MACROD2: variants seen among roughly 807,000 people sequenced by gnomAD.
MACROD2 encodes ADP-ribose glycohydrolase MACROD2.
In MACROD2, 36 loss-of-function variants were observed where a neutral mutation model predicts 70.4. That is an observed-to-expected ratio of 0.51 (90% CI 0.39 to 0.68). The LOEUF is 0.68. Ranked by LOEUF, MACROD2 falls within the 30% of genes least tolerant of loss-of-function variation. The pLI, the probability that MACROD2 is intolerant of heterozygous loss-of-function variation, is 0.00. For missense variants in MACROD2, 496 were observed against 538.4 expected (o/e 0.92, Z 0.78); for synonymous variants, 172 against 178.8 (o/e 0.96, Z 0.30).
At position 14,960,053 on chromosome 20, in the gene MACROD2, A is replaced by G. The variant is rs372896313; in HGVS notation, c.419-269887A>G. 3.5e-4 allele frequency among the ~76,000 whole-genome samples: 54 copies of G among 152,284 alleles called. 2 individuals carry two copies. The highest frequency in any genetic ancestry group is 1.3e-3 in the African/African-American group (54 of 41,566). ...TCCTGTACAAATTCTCTTCCCAAAGAGACTAACAGCAAGAGAATCCCAGAA... is the reference window on the plus strand; with the variant it reads ...TCCTGTACAAATTCTCTTCCCAAAGGGACTAACAGCAAGAGAATCCCAGAA... On this transcript the variant is annotated intron_variant, in intron 5 of 17. Transcript: ENST00000684519.
intron 3 of MACROD2, among the ~76,000 whole-genome samples, chr20:14,129,968 C>A (rs2054697178): frequency 6.6e-6 from 1 of 152,002 alleles, no homozygotes; most frequent in Non-Finnish European, 1.5e-5. Flanking sequence ...CGCTTTATTG[C>A]AATATTTGTT....
At chr20:14,446,721 G>T (rs1422321681) in intron 3 of MACROD2, among the ~76,000 whole-genome samples, 1 of 152,074 alleles carries the variant, frequency 6.6e-6, no homozygotes, top group Non-Finnish European at 1.5e-5. Flanking sequence ...GTATTTCATT[G>T]TGGGCACTTT....
intron 2 of MACROD2, among the ~76,000 whole-genome samples, chr20:14,067,678 A>G (rs1029230409): frequency 2.6e-5 from 4 of 152,214 alleles, no homozygotes; most frequent in African/African-American, 9.6e-5. Flanking sequence ...GATAAAATGC[A>G]CATTTTTAAT....
intron 8 of MACROD2, among the ~76,000 whole-genome samples, chr20:15,736,777 G>C (rs1000860326): frequency 6.6e-6 from 1 of 152,294 alleles, no homozygotes; most frequent in African/African-American, 2.4e-5. Flanking sequence ...CTGACTTTAA[G>C]TAGCCATTGG....
intron 10 of MACROD2, among the ~76,000 whole-genome samples, chr20:15,914,660 C>T (rs1307398331): frequency 6.6e-6 from 1 of 152,156 alleles, no homozygotes; most frequent in African/African-American, 2.4e-5. Flanking sequence ...CTAAGCAATT[C>T]TCTAGTTCTC....
intron 15 of MACROD2, among the ~76,000 whole-genome samples, chr20:16,018,614 C>T (rs1354139950): frequency 6.6e-6 from 1 of 152,214 alleles, no homozygotes; most frequent in Non-Finnish European, 1.5e-5. Flanking sequence ...CCTCTTCTGT[C>T]TTGGCATCAT....
At chr20:14,974,298 G>A (rs1050847113) in intron 5 of MACROD2, among the ~76,000 whole-genome samples, 2 of 152,150 alleles carry the variant, frequency 1.3e-5, no homozygotes, top group South Asian at 2.1e-4. Context: ...GGAGGGCACC[G>A]ATGTTCAAAC....
At chr20:14,244,356 A>C (rs1368518780) in intron 3 of MACROD2, among the ~76,000 whole-genome samples, 1 of 152,148 alleles carries the variant, frequency 6.6e-6, no homozygotes, top group South Asian at 2.1e-4. Flanking sequence ...GTGAACTTCA[A>C]AATTATCCAG....
At position 15,884,473 on chromosome 20, in the gene MACROD2, T is replaced by C. The variant is rs139836621; in HGVS notation, c.728-1291T>C. 8.2e-3 allele frequency among the ~76,000 whole-genome samples: 1,251 copies of C among 152,152 alleles called. 11 individuals are homozygous for C. The highest frequency in any genetic ancestry group is 0.013 in the Non-Finnish European group (907 of 67,964). On this transcript the variant is annotated intron_variant, in intron 9 of 17. Transcript: ENST00000684519. ...CAGGTATCATTGGCCTTGAGTGTTA[T>C]CGGGAAGAGTCTAGACTTTTCTCAT...
chr20:14,295,794 A>G (rs1435603275), intron 3 of MACROD2, among the ~76,000 whole-genome samples: 2 of 151,892 alleles, frequency 1.3e-5, no homozygotes, highest in Non-Finnish European at 2.9e-5. Flanking sequence ...GACTGAGTCT[A>G]GCACTAAGTT....
intron 7 of MACROD2, among the ~76,000 whole-genome samples, chr20:15,477,416 T>C (rs977827340): frequency 6.6e-6 from 1 of 152,178 alleles, no homozygotes; most frequent in Non-Finnish European, 1.5e-5. Context: ...TTAAATCAGA[T>C]TTTTAATGAG....
intron 5 of MACROD2, among the ~76,000 whole-genome samples, chr20:14,697,221 GTCCTACCTATTGTTTTA>G (rs1278971288): frequency 1.3e-5 from 2 of 152,112 alleles, no homozygotes; most frequent in Admixed American, 1.3e-4. Flanking sequence ...TCCGGGATAT[GTCCTACCTATTGTTTTA>G]AAATTAACAA....
At chr20:14,918,466 A>G (rs893914317) in intron 5 of MACROD2, among the ~76,000 whole-genome samples, 4 of 152,162 alleles carry the variant, frequency 2.6e-5, no homozygotes, top group Non-Finnish European at 5.9e-5. Flanking sequence ...TTCCTCTCAC[A>G]TTGGATAGGA....
intron 3 of MACROD2, among the ~76,000 whole-genome samples, chr20:14,367,594 T>C (rs2083283733): frequency 2.0e-5 from 3 of 152,348 alleles, no homozygotes; most frequent in Non-Finnish European, 2.9e-5. Flanking sequence ...AAAAATGTTA[T>C]TTAACTTCTT....
intron 3 of MACROD2, among the ~76,000 whole-genome samples, chr20:14,207,117 T>G (rs967146930): frequency 4.6e-5 from 7 of 152,154 alleles, no homozygotes; most frequent in Admixed American, 4.6e-4. Flanking sequence ...GACACTTTTT[T>G]TTTTTTGAGA....
intron 2 of MACROD2, among the ~76,000 whole-genome samples, chr20:14,047,910 T>C (rs957993988): frequency 4.6e-5 from 7 of 151,974 alleles, no homozygotes; most frequent in Admixed American, 1.3e-4. Flanking sequence ...AAATCAAATA[T>C]TTATAAAACT....
intron 5 of MACROD2, among the ~76,000 whole-genome samples, chr20:15,117,325 A>C (rs1041514405): frequency 1.3e-5 from 2 of 152,198 alleles, no homozygotes; most frequent in African/African-American, 4.8e-5. Context: ...TTTTCCTATT[A>C]GAAAAACATA....
chr20:14,925,843 A>G (rs1346397582), intron 5 of MACROD2, among the ~76,000 whole-genome samples: 1 of 152,236 alleles, frequency 6.6e-6, no homozygotes, highest in Non-Finnish European at 1.5e-5. Flanking sequence ...TCATTGGAAC[A>G]GATTCAAAGA....
intron 8 of MACROD2, among the ~76,000 whole-genome samples, chr20:15,546,960 A>C (rs891029998): frequency 5.3e-5 from 8 of 152,132 alleles, no homozygotes; most frequent in South Asian, 2.1e-4. Context: ...GAATGTCCCT[A>C]TTACTTCCCA....
Sources: gnomAD v4.1 joint callset for allele counts (sites outside exome capture counted in the v4.1 genomes callset) on GRCh38, gnomAD v4.1.1 for gene constraint, MANE v1.5 for transcripts, NCBI Gene and HGNC (gene_info 2026-07-23, HGNC 2026-07-21) for gene names.